The following ERGIC1 variants were observed in gnomAD, a reference collection of about 807,000 sequenced individuals.
ERGIC1 encodes the protein endoplasmic reticulum-Golgi intermediate compartment protein 1.
In ERGIC1, 19 loss-of-function variants were observed where a neutral mutation model predicts 38.3. That is an observed-to-expected ratio of 0.50 (90% CI 0.35 to 0.73). The LOEUF (loss-of-function observed/expected upper bound fraction) is 0.73. Among genes scored for constraint, ERGIC1 ranks in the 30% least tolerant of loss-of-function variants. The probability of loss-of-function intolerance (pLI) is 0.01; values close to 1 mark genes in which losing one functional copy is unlikely to be tolerated. For missense variants in ERGIC1, 294 were observed against 389.2 expected (o/e 0.76, Z 2.06); for synonymous variants, 124 against 157.6 (o/e 0.79, Z 1.60).
At chr5:172,862,223 A>C (rs1025614766) in intron 1 of ERGIC1, among the ~76,000 whole-genome samples, 2 of 139,270 alleles carry the variant, frequency 1.4e-5, no homozygotes, top group African/African-American at 5.2e-5. Context: ...CCTGACCTCA[A>C]ATGATCTGCC....
At chr5:172,925,895 T>C (rs1763639857) in intron 6 of ERGIC1, among the ~76,000 whole-genome samples, 1 of 152,178 alleles carries the variant, frequency 6.6e-6, no homozygotes. Flanking sequence ...AAAGGTGAGA[T>C]GTGGTTTTCA....
chr5:172,914,542 A>G (rs1763303356), intron 4 of ERGIC1, 172 bp from the exon 5 acceptor site: 2 of 1,057,306 alleles, frequency 1.9e-6, no homozygotes, highest in African/African-American at 1.6e-5. Flanking sequence ...CGTTTAGCGG[A>G]GTCATTGTCC....
At chr5:172,874,978 A>T (rs1762109950) in intron 1 of ERGIC1, among the ~76,000 whole-genome samples, 1 of 151,920 alleles carries the variant, frequency 6.6e-6, no homozygotes, top group African/African-American at 2.4e-5. Context: ...GGCTCCCCCG[A>T]GGAGATGACA....
At chr5:172,868,133 C>T (rs1761917783) in intron 1 of ERGIC1, among the ~76,000 whole-genome samples, 4 of 152,222 alleles carry the variant, frequency 2.6e-5, no homozygotes, top group Admixed American at 2.6e-4. Flanking sequence ...GCGCTTGCTA[C>T]GTGCTGGGAG....
At chr5:172,855,779 C>T (rs1393181505) in intron 1 of ERGIC1, among the ~76,000 whole-genome samples, 5 of 152,164 alleles carry the variant, frequency 3.3e-5, no homozygotes, top group African/African-American at 7.2e-5. Flanking sequence ...GTGCCCTGTC[C>T]TCAGCATAGA....
At chr5:172,839,495 T>C (rs1761107727) in intron 1 of ERGIC1, among the ~76,000 whole-genome samples, 2 of 151,648 alleles carry the variant, frequency 1.3e-5, no homozygotes, top group South Asian at 2.1e-4. Context: ...GCCCAGGAGG[T>C]GGAGGCTTCA....
intron 1 of ERGIC1, among the ~76,000 whole-genome samples, chr5:172,850,893 A>G (rs781733090): frequency 1.3e-5 from 2 of 152,122 alleles, no homozygotes; most frequent in Non-Finnish European, 2.9e-5. Flanking sequence ...GAATGAAAAT[A>G]TTTCACATAA....
At chr5:172,915,021 C>G (rs769819094) in intron 5 of ERGIC1, 183 bp downstream of exon 5, 1 of 971,178 alleles carries the variant, frequency 1.0e-6, no homozygotes. Context: ...TCCAGGCTCC[C>G]TGGGGTTTTA....
chr5:172,936,811 A>C (rs1763895507), intron 9 of ERGIC1: 1 of 152,302 alleles, frequency 6.6e-6, no homozygotes, highest in African/African-American at 2.4e-5. Flanking sequence ...CAGCCTGGGC[A>C]ACATTGTGAA....
At chr5:172,840,978 CAG>C (rs1405976572) in intron 1 of ERGIC1, among the ~76,000 whole-genome samples, 2 of 152,202 alleles carry the variant, frequency 1.3e-5, no homozygotes, top group African/African-American at 4.8e-5. Flanking sequence ...CTGAGCGAAC[CAG>C]AGTTATTTGG....
chr5:172,862,951 T>C (rs1299995059), intron 1 of ERGIC1, among the ~76,000 whole-genome samples: 1 of 152,240 alleles, frequency 6.6e-6, no homozygotes, highest in African/African-American at 2.4e-5. Context: ...TAGACAGTTC[T>C]GTGCCTGAAG....
intron 2 of ERGIC1, among the ~76,000 whole-genome samples, chr5:172,890,000 T>A (rs182976829): frequency 1.2e-4 from 19 of 152,262 alleles, no homozygotes; most frequent in African/African-American, 4.3e-4. Context: ...TCCCCTCTCT[T>A]GAGTGTGGAC....
chr5:172,935,133 C>G (rs1723365631), intron 8 of ERGIC1, 55 bp from the exon 9 acceptor site: 1 of 1,612,114 alleles, frequency 6.2e-7, no homozygotes, highest in Non-Finnish European at 8.5e-7. Context: ...CAATCCAGTC[C>G]CCGCCCCCCC....
At chr5:172,928,600 G>A (rs747582091) in intron 7 of ERGIC1, among the ~76,000 whole-genome samples, 1 of 152,002 alleles carries the variant, frequency 6.6e-6, no homozygotes, top group Non-Finnish European at 1.5e-5. Context: ...TGTTGCGCCA[G>A]CTATAACATG....
At chr5:172,867,117 G>C in intron 1 of ERGIC1, 1 of 448,252 alleles carries the variant, frequency 2.2e-6, no homozygotes, top group Non-Finnish European at 4.5e-6. Flanking sequence ...TCAGGCTGTG[G>C]GGGCTCTGCA....
intron 1 of ERGIC1, among the ~76,000 whole-genome samples, chr5:172,860,454 C>T (rs570954856): frequency 6.2e-4 from 94 of 152,368 alleles, no homozygotes; most frequent in African/African-American, 2.1e-3. Context: ...CCCAGCGTTG[C>T]CTGAGCCAGG....
chr5:172,851,556 C>T (rs1288863622), intron 1 of ERGIC1, among the ~76,000 whole-genome samples: 1 of 152,186 alleles, frequency 6.6e-6, no homozygotes, highest in African/African-American at 2.4e-5. Flanking sequence ...GAAAAATGGA[C>T]CTCAGTGGCC....
intron 1 of ERGIC1, among the ~76,000 whole-genome samples, chr5:172,842,295 C>T (rs1240564997): frequency 6.6e-6 from 1 of 152,228 alleles, no homozygotes; most frequent in Non-Finnish European, 1.5e-5. Flanking sequence ...AGTCTTCATT[C>T]TGTGTCTGCC....
chr5:172,930,673 G>C (rs1763758531), intron 7 of ERGIC1, among the ~76,000 whole-genome samples: 1 of 152,074 alleles, frequency 6.6e-6, no homozygotes, highest in Non-Finnish European at 1.5e-5. Flanking sequence ...AATATTACAG[G>C]GGTGATTTTG....
Sources: allele counts gnomAD v4.1 joint callset (sites outside exome capture counted in the v4.1 genomes callset), GRCh38; gene constraint gnomAD v4.1.1; transcripts MANE v1.5; gene names NCBI Gene and HGNC (gene_info 2026-07-23, HGNC 2026-07-21).